Variants in GRID1 observed in about 807,000 individuals in gnomAD.
The protein encoded by GRID1 is glutamate receptor ionotropic, delta-1.
GRID1 carries 28 observed loss-of-function variants against 98.0 expected under a neutral mutation model. That is an observed-to-expected ratio of 0.29 (90% CI 0.21 to 0.39). The LOEUF (loss-of-function observed/expected upper bound fraction) is 0.39, where lower values mean the gene tolerates loss of function less well. Among genes scored for constraint, GRID1 ranks in the 10% least tolerant of loss-of-function variants. The pLI is 1.00. For missense variants in GRID1, 1,111 were observed against 1,340.5 expected (o/e 0.83, Z 2.67); for synonymous variants, 553 against 538.5 (o/e 1.03, Z -0.37).
chr10:85,660,638 G>T (rs1840955064), intron 12 of GRID1, among the ~76,000 whole-genome samples: 1 of 151,756 alleles, frequency 6.6e-6, no homozygotes, highest in Non-Finnish European at 1.5e-5. Context: ...CGTATGCCAG[G>T]CTGTTCTGGC....
chr10:86,056,143 G>C (rs1016227458), intron 4 of GRID1, among the ~76,000 whole-genome samples: 1 of 152,122 alleles, frequency 6.6e-6, no homozygotes, highest in Non-Finnish European at 1.5e-5. Flanking sequence ...AAATTTCTCA[G>C]CCACACCCTT....
Position 86,366,408 on chromosome 10 carries a change from G to A in GRID1, c.-16C>T, listed in dbSNP as rs2132127023. The A allele has an allele frequency of 1.3e-6, 2 of 1,485,834 alleles. No individual in the cohort carries two copies. Among genetic ancestry groups the A allele is most frequent in the South Asian group, 1.3e-5 (1 of 79,416 alleles). 92.0% of individuals were successfully genotyped at this position (1,485,834 alleles called of 1,614,324 possible). ...GCGCTTCCATGTCCCCCGGGCGCGC[G>A]GCTCATCCACCCGGGCCCGGGGCGA... On this transcript the variant is annotated 5_prime_UTR_variant, in exon 1 of 16. Coordinates refer to ENST00000327946, the MANE Select transcript of GRID1 (RefSeq NM_017551.3). The surrounding 1 kb of genome is among the most constrained non-coding windows in gnomAD (Gnocchi z 4.1).
In GRID1 at chr10:85,862,884, T is replaced by G. The variant is rs569804210; in HGVS notation, c.951+6126A>C. Among the ~76,000 whole-genome samples, 34 of 151,740 alleles carry G rather than the reference T, an allele frequency of 2.2e-4. 1 individual carries two copies. In the South Asian group the frequency reaches 6.7e-3, roughly 30 times the overall value. On this transcript the variant is annotated intron_variant, in intron 6 of 15. Coordinates refer to ENST00000327946, the MANE Select transcript of GRID1 (RefSeq NM_017551.3). ...GGAACCAAGACCCAGAGGGAGGAAA[T>G]GGAGGGAGGGCAGGGAAGCAAGCAA...
intron 2 of GRID1, among the ~76,000 whole-genome samples, chr10:86,348,757 C>T (rs1004976737): frequency 7.2e-5 from 11 of 152,216 alleles, no homozygotes; most frequent in African/African-American, 2.4e-4. Context: ...CAGGAGCTCC[C>T]GGAAGCATTC....
intron 2 of GRID1, among the ~76,000 whole-genome samples, chr10:86,254,855 A>G (rs1846893363): frequency 6.6e-6 from 1 of 152,240 alleles, no homozygotes; most frequent in Admixed American, 6.5e-5. Flanking sequence ...GCACAGCCCC[A>G]GCCAGGGATC....
chr10:85,624,273 A>G (rs1842886621), intron 13 of GRID1, among the ~76,000 whole-genome samples: 1 of 152,266 alleles, frequency 6.6e-6, no homozygotes, highest in African/African-American at 2.4e-5. Context: ...TCAATGGGTT[A>G]AATTACCTTT....
intron 4 of GRID1, among the ~76,000 whole-genome samples, chr10:86,135,257 G>A (rs1844905741): frequency 6.6e-6 from 1 of 152,184 alleles, no homozygotes; most frequent in Admixed American, 6.5e-5. Context: ...GCCCAACTAG[G>A]ATCCAATGAG....
chr10:85,614,571 T>G (rs763544276), intron 14 of GRID1, among the ~76,000 whole-genome samples: 4 of 151,946 alleles, frequency 2.6e-5, no homozygotes, highest in African/African-American at 7.3e-5. Flanking sequence ...GGCTTTCAAC[T>G]TGGGGGAGGA....
At chr10:85,634,557 GT>G (rs915230780) in intron 13 of GRID1, among the ~76,000 whole-genome samples, 30 of 152,218 alleles carry the variant, frequency 2.0e-4, no homozygotes, top group Middle Eastern at 3.4e-3. Flanking sequence ...AAATAATTTA[GT>G]TTTTTGAGTT....
intron 12 of GRID1, among the ~76,000 whole-genome samples, chr10:85,669,356 A>G (rs1841060147): frequency 2.0e-5 from 3 of 152,216 alleles, no homozygotes; most frequent in African/African-American, 4.8e-5. Flanking sequence ...GGAAGTCAAT[A>G]TTATATCACA....
At chr10:86,270,834 A>G (rs1847175030) in intron 2 of GRID1, among the ~76,000 whole-genome samples, 2 of 152,238 alleles carry the variant, frequency 1.3e-5, no homozygotes, top group South Asian at 4.1e-4. Flanking sequence ...ATGGTTTTTC[A>G]AGACATTGGA....
intron 4 of GRID1, among the ~76,000 whole-genome samples, chr10:86,060,731 C>A (rs542334917): frequency 2.1e-4 from 32 of 152,282 alleles, no homozygotes; most frequent in African/African-American, 7.5e-4. Context: ...CTCACTCAGT[C>A]CCTCCAGAGG....
At chr10:85,714,152 G>C (rs1300411727) in intron 12 of GRID1, among the ~76,000 whole-genome samples, 2 of 151,110 alleles carry the variant, frequency 1.3e-5, no homozygotes, top group Non-Finnish European at 2.9e-5. Flanking sequence ...ACTAACAGAG[G>C]AACAGAAAAC....
intron 3 of GRID1, among the ~76,000 whole-genome samples, chr10:86,168,388 C>T (rs1490633582): frequency 6.6e-6 from 1 of 152,042 alleles, no homozygotes; most frequent in Admixed American, 6.5e-5. Context: ...GAAACTCGCC[C>T]GCCCTCGTGC....
intron 4 of GRID1, among the ~76,000 whole-genome samples, chr10:86,074,490 T>A (rs566436941): frequency 6.6e-6 from 1 of 152,368 alleles, no homozygotes; most frequent in African/African-American, 2.4e-5. Flanking sequence ...ATAATTTCAT[T>A]GTCATTGATG....
At chr10:85,909,849 G>T (rs1841513152) in intron 5 of GRID1, among the ~76,000 whole-genome samples, 1 of 151,884 alleles carries the variant, frequency 6.6e-6, no homozygotes, top group East Asian at 1.9e-4. Context: ...TGGTTTCCTG[G>T]GTATATACAT....
chr10:86,149,588 G>C (rs2131979265), intron 3 of GRID1, among the ~76,000 whole-genome samples: 1 of 152,298 alleles, frequency 6.6e-6, no homozygotes, highest in South Asian at 2.1e-4. Context: ...AAATAATCAG[G>C]CTGGAAGATC....
At chr10:85,696,329 A>T (rs1017585502) in intron 12 of GRID1, among the ~76,000 whole-genome samples, 7 of 152,122 alleles carry the variant, frequency 4.6e-5, no homozygotes, top group African/African-American at 1.7e-4. Context: ...AAGGTGATTT[A>T]AATTAAGGTG....
intron 4 of GRID1, among the ~76,000 whole-genome samples, chr10:86,005,267 T>C (rs2131877532): frequency 6.6e-6 from 1 of 152,076 alleles, no homozygotes; most frequent in East Asian, 1.9e-4. Context: ...TCTTATACTG[T>C]GTGATACCCC....
Sources: allele counts gnomAD v4.1 joint callset (sites outside exome capture counted in the v4.1 genomes callset), GRCh38; gene constraint gnomAD v4.1.1; non-coding constraint Gnocchi (gnomAD v3.1); transcripts MANE v1.5; gene names NCBI Gene and HGNC (gene_info 2026-07-23, HGNC 2026-07-21).